TBL1XR1: variants seen among roughly 807,000 people sequenced by gnomAD.
TBL1XR1 encodes the protein F-box-like/WD repeat-containing protein TBL1XR1.
A neutral mutation model predicts 66.9 loss-of-function variants in TBL1XR1; 5 were observed. The observed-to-expected ratio is 0.07, with a 90% CI of 0.04 to 0.16. The LOEUF is 0.16. Among genes scored for constraint, TBL1XR1 ranks in the 10% least tolerant of loss-of-function variants. The pLI, the probability that TBL1XR1 is intolerant of heterozygous loss-of-function variation, is 1.00. For missense variants in TBL1XR1, 238 were observed against 623.2 expected (o/e 0.38, Z 6.58); for synonymous variants, 210 against 206.0 (o/e 1.02, Z -0.17).
chr3:177,137,074 A>AT (rs1729082187), intron 1 of TBL1XR1, among the ~76,000 whole-genome samples: 1 of 152,058 alleles, frequency 6.6e-6, no homozygotes, highest in South Asian at 2.1e-4. Flanking sequence ...ATAACAGGCC[A>AT]TAAGCCCAGA....
rs1445402600 is a variant in TBL1XR1, at chr3:177,024,915, C to G, written c.*583G>C. The G allele has an allele frequency of 2.0e-5, 3 of 152,328 alleles. No individual in the cohort carries two copies. Among genetic ancestry groups the G allele is most frequent in the African/African-American group, 7.3e-5 (3 of 41,354 alleles). 9.4% of individuals were successfully genotyped at this position (152,328 alleles called of 1,614,324 possible). On this transcript the variant is annotated 3_prime_UTR_variant, in exon 16 of 16. Coordinates refer to ENST00000457928, the MANE Select transcript of TBL1XR1 (RefSeq NM_024665.7). ...AAACATCTACCTCTTCAAAAGAATG[C>G]ATTAAAATATTTTAAAGAATTTTTT...
intron 4 of TBL1XR1, among the ~76,000 whole-genome samples, chr3:177,052,280 T>C (rs1264917860): frequency 6.6e-6 from 1 of 152,176 alleles, no homozygotes; most frequent in Non-Finnish European, 1.5e-5. Context: ...AAGTTCCTAA[T>C]AAAGAGTTCT....
intron 2 of TBL1XR1, among the ~76,000 whole-genome samples, chr3:177,074,461 C>T (rs565120495): frequency 5.3e-5 from 8 of 152,182 alleles, no homozygotes; most frequent in Non-Finnish European, 1.0e-4. Flanking sequence ...ACAGCTCTCC[C>T]TACGCTTCTA....
At chr3:177,155,764 C>G (rs982383143) in intron 1 of TBL1XR1, among the ~76,000 whole-genome samples, 1 of 152,078 alleles carries the variant, frequency 6.6e-6, no homozygotes, top group African/African-American at 2.4e-5. Context: ...GCCTGTAATC[C>G]GTGCACTCCG....
chr3:177,118,058 T>A (rs961907199), intron 1 of TBL1XR1, among the ~76,000 whole-genome samples: 3 of 152,230 alleles, frequency 2.0e-5, no homozygotes, highest in Admixed American at 6.5e-5. Flanking sequence ...ATTGTGACTT[T>A]CTTTCTTTAC....
chr3:177,075,036 C>T (rs73187512), intron 2 of TBL1XR1, among the ~76,000 whole-genome samples: 5 of 152,250 alleles, frequency 3.3e-5, no homozygotes, highest in East Asian at 1.9e-4. Flanking sequence ...AGTTTCCCAG[C>T]GCTACTGTGA....
chr3:177,065,119 T>A, intron 2 of TBL1XR1, 97 bp from the exon 3 acceptor site: 1 of 812,266 alleles, frequency 1.2e-6, no homozygotes, highest in Non-Finnish European at 1.7e-6. Flanking sequence ...TTAAATGATG[T>A]AAAACGAAGG....
chr3:177,157,184 A>G (rs6774221), intron 1 of TBL1XR1, among the ~76,000 whole-genome samples: 92,100 of 151,968 alleles, frequency 0.61, 28,212 homozygotes, highest in East Asian at 0.75. Context: ...ACTCCAGCCT[A>G]AGTAGCAGAA....
intron 2 of TBL1XR1, among the ~76,000 whole-genome samples, chr3:177,081,278 C>G (rs1465046443): frequency 3.3e-5 from 5 of 152,118 alleles, no homozygotes; most frequent in Non-Finnish European, 7.4e-5. Context: ...ACAAAACTTT[C>G]ATTTACATGA....
intron 3 of TBL1XR1, among the ~76,000 whole-genome samples, chr3:177,062,286 G>A (rs1292004647): frequency 6.6e-6 from 1 of 152,152 alleles, no homozygotes; most frequent in Non-Finnish European, 1.5e-5. Context: ...TCAAGATATT[G>A]TGAATATGCT....
intron 1 of TBL1XR1, chr3:177,099,263 AG>A (rs1723890022): frequency 6.6e-6 from 1 of 152,352 alleles, no homozygotes; most frequent in East Asian, 1.9e-4. Context: ...GCTACTTGGG[AG>A]GCTGAGGCAA....
chr3:177,187,018 T>G (rs1735503030), intron 1 of TBL1XR1, among the ~76,000 whole-genome samples: 1 of 151,882 alleles, frequency 6.6e-6, no homozygotes, highest in Non-Finnish European at 1.5e-5. Flanking sequence ...CACAAAAAAA[T>G]TAGCCGGGCG....
chr3:177,159,667 T>A (rs1395609207), intron 1 of TBL1XR1, among the ~76,000 whole-genome samples: 1 of 152,168 alleles, frequency 6.6e-6, no homozygotes, highest in Non-Finnish European at 1.5e-5. Context: ...AAAAAAGTCA[T>A]CCAAGTAAAT....
At chr3:177,195,465 C>CCCGCCACTGCACT (rs1736723872) in intron 1 of TBL1XR1, 1 of 54,950 alleles carries the variant, frequency 1.8e-5, no homozygotes, top group Non-Finnish European at 6.5e-5. Flanking sequence ...AACATACAAT[C>CCCGCCACTGCACT]CCAGGAAGTC....
intron 1 of TBL1XR1, among the ~76,000 whole-genome samples, chr3:177,190,785 T>C (rs60604475): frequency 0.024 from 3,693 of 152,298 alleles, 59 homozygotes; most frequent in Middle Eastern, 0.078. Context: ...GGGCTGTCAC[T>C]GCTCCCATTT....
At chr3:177,148,690 G>T (rs1002630372) in intron 1 of TBL1XR1, among the ~76,000 whole-genome samples, 1 of 151,458 alleles carries the variant, frequency 6.6e-6, no homozygotes, top group Non-Finnish European at 1.5e-5. Context: ...CTGAGCAACA[G>T]AATAAGACTC....
chr3:177,050,789 T>C (rs949638647), intron 5 of TBL1XR1, among the ~76,000 whole-genome samples, 179 bp from the exon 6 acceptor site: 1 of 150,716 alleles, frequency 6.6e-6, no homozygotes, highest in Non-Finnish European at 1.5e-5. Context: ...TAAATTCTTA[T>C]CTTTAATTAA....
At chr3:177,121,409 G>A (rs1435712968) in intron 1 of TBL1XR1, among the ~76,000 whole-genome samples, 1 of 152,104 alleles carries the variant, frequency 6.6e-6, no homozygotes, top group Non-Finnish European at 1.5e-5. Flanking sequence ...AAATCTTGCT[G>A]GATGTCAATC....
intron 7 of TBL1XR1, chr3:177,047,756 T>C (rs1183492882): frequency 1.8e-6 from 1 of 544,768 alleles, no homozygotes; most frequent in Non-Finnish European, 3.3e-6. Flanking sequence ...GGGGGCCTTA[T>C]ATCCAAAGTT....
Sources: gnomAD v4.1 joint callset for allele counts (sites outside exome capture counted in the v4.1 genomes callset) on GRCh38, gnomAD v4.1.1 for gene constraint, MANE v1.5 for transcripts, NCBI Gene and HGNC (gene_info 2026-07-23, HGNC 2026-07-21) for gene names.